FARS2: variants seen among roughly 807,000 people sequenced by gnomAD.
FARS2 encodes phenylalanine--tRNA ligase, mitochondrial.
A neutral mutation model predicts 46.4 loss-of-function variants in FARS2; 40 were observed. That is an observed-to-expected ratio of 0.86 (90% CI 0.67 to 1.12). FARS2 has a LOEUF of 1.12. Ranked by LOEUF, FARS2 falls within the 50% of genes most tolerant of loss-of-function variation. The pLI is 0.00. For missense variants in FARS2, 513 were observed against 567.9 expected, an observed-to-expected ratio of 0.90 and a Z score of 0.98; for synonymous variants, 234 against 214.9, an observed-to-expected ratio of 1.09 and a Z score of -0.78.
chr6:5,380,344 C>G (rs1759674384), intron 2 of FARS2, among the ~76,000 whole-genome samples: 1 of 152,126 alleles, frequency 6.6e-6, no homozygotes, highest in Non-Finnish European at 1.5e-5. Context: ...TTTACCAAAT[C>G]CAAATAATTA....
upstream of FARS2, among the ~76,000 whole-genome samples, chr6:5,258,417 A>G (rs1303261032): frequency 6.6e-6 from 1 of 152,218 alleles, no homozygotes. Flanking sequence ...AATAGTACCT[A>G]CCTCACAAGA....
chr6:5,407,044 T>TATATATATATATATATATATATATAC lies in FARS2; in HGVS notation c.772+2366_772+2367insTACATATATATATATATATATATATA, dbSNP rs1491363205. On this transcript the variant is annotated intron_variant, in intron 3 of 6. Transcript: ENST00000274680. Reference sequence around the variant, plus strand: ...ATGGGTGAACATGAAGGTGGCAAATTATATATATATATATATATATATAAT... The same window carrying TATATATATATATATATATATATATAC: ...ATGGGTGAACATGAAGGTGGCAAATTATATATATATATATATATATATATACATATATATATATATATATATATAAT... 3.7e-4 allele frequency among the ~76,000 whole-genome samples: 30 copies of TATATATATATATATATATATATATAC among 80,986 alleles called. 1 individual carries two copies. The highest frequency in any genetic ancestry group is 2.1e-3 in the African/African-American group (27 of 13,148). 53.1% of individuals were successfully genotyped at this position (80,986 alleles called of 152,430 possible).
intron 6 of FARS2, among the ~76,000 whole-genome samples, chr6:5,703,492 C>G (rs1394660713): frequency 6.6e-6 from 1 of 152,168 alleles, no homozygotes; most frequent in African/African-American, 2.4e-5. Context: ...CCATTGTATT[C>G]TTAGTAACAC....
At chr6:5,738,886 G>T (rs908483175) in intron 6 of FARS2, among the ~76,000 whole-genome samples, 6 of 151,998 alleles carry the variant, frequency 3.9e-5, no homozygotes, top group African/African-American at 1.5e-4. Flanking sequence ...CAAAATCTTG[G>T]AACGCTTAGG....
At chr6:5,713,479 A>G (rs1457049441) in intron 6 of FARS2, among the ~76,000 whole-genome samples, 2 of 152,238 alleles carry the variant, frequency 1.3e-5, no homozygotes, top group Non-Finnish European at 2.9e-5. Flanking sequence ...TCACCTTACA[A>G]AAGGAATAGA....
At chr6:5,609,393 T>A in intron 5 of FARS2, 1 of 1,262,176 alleles carries the variant, frequency 7.9e-7, no homozygotes, top group East Asian at 2.3e-5. Context: ...CTGATTGTTG[T>A]AATTGCCAAA....
In FARS2 at chr6:5,533,185, G is replaced by T. The variant is rs77673349; in HGVS notation, c.905-11995G>T. Among the ~76,000 whole-genome samples the T allele has an allele frequency of 8.8e-4, 134 of 152,258 alleles. 3 individuals are homozygous for T. The East Asian group carries it at 0.024, about 27-fold the overall frequency. On this transcript the variant is annotated intron_variant, in intron 4 of 6. Transcript: ENST00000274680. ...CTGTATACAGTAGAACTCAGCGAATGGTGACCAAGGTAGGGGTCAATGAAT... is the reference window on the plus strand; with the variant it reads ...CTGTATACAGTAGAACTCAGCGAATTGTGACCAAGGTAGGGGTCAATGAAT...
At chr6:5,356,976 C>T (rs1259228712) in intron 1 of FARS2, among the ~76,000 whole-genome samples, 2 of 150,708 alleles carry the variant, frequency 1.3e-5, no homozygotes, top group African/African-American at 4.9e-5. Context: ...TAGCAGAGAG[C>T]ACAGTATGAT....
chr6:5,733,788 C>G (rs989620230), intron 6 of FARS2, among the ~76,000 whole-genome samples: 1 of 152,106 alleles, frequency 6.6e-6, no homozygotes, highest in Non-Finnish European at 1.5e-5. Context: ...TGGAGGACAC[C>G]GGCTCCTAAG....
At chr6:5,579,455 G>A (rs1050825137) in intron 5 of FARS2, among the ~76,000 whole-genome samples, 10 of 152,026 alleles carry the variant, frequency 6.6e-5, no homozygotes, top group Non-Finnish European at 1.5e-4. Context: ...TGTATTTTTA[G>A]TAGAGATGGG....
intron 1 of FARS2, among the ~76,000 whole-genome samples, chr6:5,282,223 A>T (rs1024206122): frequency 2.0e-5 from 3 of 152,286 alleles, no homozygotes; most frequent in Admixed American, 2.0e-4. Flanking sequence ...CTGTATTGCT[A>T]GGGAGTCTCA....
At chr6:5,426,406 C>T (rs886198776) in intron 3 of FARS2, among the ~76,000 whole-genome samples, 2 of 152,054 alleles carry the variant, frequency 1.3e-5, no homozygotes, top group African/African-American at 4.8e-5. Flanking sequence ...TCACACTCAA[C>T]ATAGTTTTGA....
intron 1 of FARS2, among the ~76,000 whole-genome samples, chr6:5,358,655 A>T (rs1030061628): frequency 2.6e-5 from 4 of 152,192 alleles, no homozygotes; most frequent in African/African-American, 9.7e-5. Flanking sequence ...AAAGCAAAAG[A>T]ATGATTGGGA....
chr6:5,523,270 C>T (rs17140763), intron 4 of FARS2, among the ~76,000 whole-genome samples: 6,638 of 152,182 alleles, frequency 0.044, 503 homozygotes, highest in African/African-American at 0.15. Context: ...AACACCTGCA[C>T]GGGCATAGAA....
intron 2 of FARS2, among the ~76,000 whole-genome samples, chr6:5,376,492 TTG>T (rs1207467819): frequency 6.6e-6 from 1 of 152,142 alleles, no homozygotes; most frequent in East Asian, 1.9e-4. Context: ...AAAACAAAAA[TTG>T]TATGCTATGT....
chr6:5,456,755 G>T (rs1007692960), intron 4 of FARS2, among the ~76,000 whole-genome samples: 1 of 125,324 alleles, frequency 8.0e-6, no homozygotes, highest in Non-Finnish European at 1.7e-5. Context: ...AAAAGAGATG[G>T]GCAGGGTCAT....
intron 6 of FARS2, among the ~76,000 whole-genome samples, chr6:5,699,863 C>T (rs1293534642): frequency 2.0e-5 from 3 of 152,060 alleles, no homozygotes; most frequent in Non-Finnish European, 4.4e-5. Flanking sequence ...GGCCTTGCAC[C>T]GAGATCTTTT....
chr6:5,617,283 A>C (rs1004240699), intron 6 of FARS2, among the ~76,000 whole-genome samples: 34 of 152,238 alleles, frequency 2.2e-4, no homozygotes, highest in Non-Finnish European at 2.9e-5. Context: ...ATTTGAAAAC[A>C]TTCTTCATTG....
chr6:5,720,214 G>A (rs1759799556), intron 6 of FARS2, among the ~76,000 whole-genome samples: 1 of 152,162 alleles, frequency 6.6e-6, no homozygotes, highest in South Asian at 2.1e-4. Flanking sequence ...TTAAGAAAAA[G>A]GAAGGGATAA....
Sources: allele counts gnomAD v4.1 joint callset (sites outside exome capture counted in the v4.1 genomes callset), GRCh38; gene constraint gnomAD v4.1.1; transcripts MANE v1.5; gene names NCBI Gene and HGNC (gene_info 2026-07-23, HGNC 2026-07-21).